Variants in SHC3 observed in about 807,000 individuals in gnomAD.
SHC3 encodes the protein SHC-transforming protein 3.
A neutral mutation model predicts 60.4 loss-of-function variants in SHC3; 15 were observed. The observed-to-expected ratio is 0.25, with a 90% confidence interval of 0.17 to 0.38. SHC3 has a LOEUF of 0.38. Ranked by LOEUF, SHC3 falls within the 10% of genes least tolerant of loss-of-function variation. The probability of loss-of-function intolerance (pLI) is 1.00; values close to 1 mark genes in which losing one functional copy is unlikely to be tolerated. For synonymous variants in SHC3, 294 were observed against 325.9 expected, an observed-to-expected ratio of 0.90 and a Z score of 1.05; for missense variants, 677 against 786.1, an observed-to-expected ratio of 0.86 and a Z score of 1.66.
chr9:89,092,657 A>G (rs942089070), intron 2 of SHC3, among the ~76,000 whole-genome samples: 17 of 151,514 alleles, frequency 1.1e-4, no homozygotes, highest in Admixed American at 2.0e-4. Flanking sequence ...TTAGGCCCCA[A>G]TCTACTGATC....
chr9:89,161,399 A>AC (rs1456401029), intron 1 of SHC3, among the ~76,000 whole-genome samples: 1 of 152,154 alleles, frequency 6.6e-6, no homozygotes, highest in African/African-American at 2.4e-5. Flanking sequence ...AGCTTAGCAG[A>AC]TCTCAACATC....
At chr9:89,102,162 A>G (rs966862458) in intron 2 of SHC3, among the ~76,000 whole-genome samples, 4 of 152,128 alleles carry the variant, frequency 2.6e-5, no homozygotes, top group African/African-American at 9.7e-5. Flanking sequence ...ATCTAAAAGG[A>G]TGATGGCCTC....
In SHC3 at chr9:89,171,594, C is replaced by T. The variant is rs551339027; in HGVS notation, c.474+6393G>A. Among the ~76,000 whole-genome samples, 4 of 152,308 alleles carry T rather than the reference C, an allele frequency of 2.6e-5. No homozygotes were observed. The East Asian group carries it at 7.7e-4, about 29-fold the overall frequency. On this transcript the variant is annotated intron_variant, in intron 1 of 11. Coordinates refer to ENST00000375835, the MANE Select transcript of SHC3 (RefSeq NM_016848.6). ...CATTTCAGATGATATCCAAGGATGG[C>T]TTCAAGTCTGAAGTAAGCAGCATTA...
intron 1 of SHC3, among the ~76,000 whole-genome samples, chr9:89,167,477 A>G (rs1162549683): frequency 3.3e-5 from 5 of 152,194 alleles, no homozygotes; most frequent in Non-Finnish European, 7.3e-5. Flanking sequence ...GGATGTGGAA[A>G]GTCAGAGGAT....
At chr9:89,143,308 C>T (rs542608800) in intron 1 of SHC3, among the ~76,000 whole-genome samples, 5 of 152,214 alleles carry the variant, frequency 3.3e-5, no homozygotes, top group East Asian at 1.9e-4. Context: ...GGACGACCAG[C>T]GGTCACTCTC....
chr9:89,166,185 C>A (rs1826787002), intron 1 of SHC3, among the ~76,000 whole-genome samples: 1 of 152,124 alleles, frequency 6.6e-6, no homozygotes, highest in South Asian at 2.1e-4. Flanking sequence ...ATTATTTGGG[C>A]TCCATTTCAG....
intron 2 of SHC3, among the ~76,000 whole-genome samples, chr9:89,084,287 G>A (rs1825493062): frequency 1.3e-5 from 2 of 152,134 alleles, no homozygotes. Flanking sequence ...CCAGAAAGGT[G>A]TTTAAATATA....
At chr9:89,169,061 T>C (rs1381643658) in intron 1 of SHC3, among the ~76,000 whole-genome samples, 1 of 152,232 alleles carries the variant, frequency 6.6e-6, no homozygotes, top group Admixed American at 6.5e-5. Context: ...GCCTCCAAAA[T>C]TATGCAAGCC....
In SHC3 at chr9:89,050,903, CT is replaced by C. The variant is rs5899064; in HGVS notation, c.962+1133del. The stretch of plus-strand genomic sequence containing the variant: ...CCAGCTTGCTGAAGTTTCTTTCGTT[CT>C]TTTTTTTTTTTTAATATGATGGCCA... On this transcript the variant is annotated intron_variant, in intron 7 of 11. Coordinates refer to ENST00000375835, the MANE Select transcript of SHC3 (RefSeq NM_016848.6). 2.4e-3 allele frequency among the ~76,000 whole-genome samples: 339 copies of C among 144,178 alleles called. 2 individuals carry two copies. Among genetic ancestry groups the C allele is most frequent in the South Asian group, 0.01 (45 of 4,480 alleles). 94.6% of individuals were successfully genotyped at this position (144,178 alleles called of 152,430 possible).
chr9:89,170,956 T>G (rs577657448), intron 1 of SHC3, among the ~76,000 whole-genome samples: 18 of 152,236 alleles, frequency 1.2e-4, no homozygotes, highest in Non-Finnish European at 1.9e-4. Context: ...CTGGAACCAA[T>G]CCCCCTCAGA....
intron 11 of SHC3, among the ~76,000 whole-genome samples, chr9:89,033,460 GA>G (rs1485645676): frequency 6.6e-6 from 1 of 152,038 alleles, no homozygotes; most frequent in African/African-American, 2.4e-5. Flanking sequence ...ATGCAAACAG[GA>G]AGAAGTATGA....
intron 2 of SHC3, among the ~76,000 whole-genome samples, chr9:89,100,911 G>C (rs892554017): frequency 6.6e-6 from 1 of 152,120 alleles, no homozygotes; most frequent in African/African-American, 2.4e-5. Flanking sequence ...TCTTTTGTTG[G>C]TTATTCTAGA....
intron 1 of SHC3, among the ~76,000 whole-genome samples, chr9:89,159,399 G>A (rs1459181445): frequency 6.6e-6 from 1 of 152,154 alleles, no homozygotes; most frequent in Non-Finnish European, 1.5e-5. Context: ...GAGGAAGTGA[G>A]AAATGTTTGG....
rs62547195 is a variant in SHC3 at position 89,055,698 on chromosome 9, G to A, written c.836-3535C>T. 2.7e-3 allele frequency among the ~76,000 whole-genome samples: 408 copies of A among 152,312 alleles called. 1 individual carries two copies. Among genetic ancestry groups the A allele is most frequent in the Non-Finnish European group, 4.2e-3 (286 of 68,034 alleles). On this transcript the variant is annotated intron_variant, in intron 6 of 11. Coordinates refer to ENST00000375835, the MANE Select transcript of SHC3 (RefSeq NM_016848.6). The stretch of plus-strand genomic sequence containing the variant: ...ACTGTCATGGGCTTCTCCCAAGCAG[G>A]AGGGGGCTGGCAGATGCCATCTTTT...
chr9:89,037,032 C>T (rs112971002), intron 11 of SHC3, among the ~76,000 whole-genome samples: 142 of 151,074 alleles, frequency 9.4e-4, no homozygotes, highest in African/African-American at 3.4e-3. Context: ...GCTGTCTCCG[C>T]GGAAGGGAAA....
At chr9:89,051,237 C>T (rs528150310) in intron 7 of SHC3, among the ~76,000 whole-genome samples, 22 of 152,038 alleles carry the variant, frequency 1.4e-4, no homozygotes, top group Non-Finnish European at 2.6e-4. Flanking sequence ...TTGTTTCTAG[C>T]GATCACAACA....
intron 2 of SHC3, among the ~76,000 whole-genome samples, chr9:89,107,957 C>A (rs1206101080): frequency 6.6e-6 from 1 of 152,224 alleles, no homozygotes; most frequent in African/African-American, 2.4e-5. Flanking sequence ...GATGAGCCAA[C>A]TACATCAAGG....
intron 6 of SHC3, among the ~76,000 whole-genome samples, chr9:89,063,790 T>C (rs1235774722): frequency 6.6e-6 from 1 of 152,266 alleles, no homozygotes; most frequent in Admixed American, 6.5e-5. Flanking sequence ...AAAATGGTTG[T>C]TGTTAAGCCA....
intron 1 of SHC3, among the ~76,000 whole-genome samples, chr9:89,119,225 A>C (rs1288126596): frequency 6.6e-6 from 1 of 152,186 alleles, no homozygotes; most frequent in Non-Finnish European, 1.5e-5. Context: ...ACTATAGAAC[A>C]AAAGAAAGAA....
Sources: allele counts gnomAD v4.1 joint callset (sites outside exome capture counted in the v4.1 genomes callset), GRCh38; gene constraint gnomAD v4.1.1; transcripts MANE v1.5; gene names NCBI Gene and HGNC (gene_info 2026-07-23, HGNC 2026-07-21).